SIL1: variants seen among roughly 807,000 people sequenced by gnomAD.
SIL1 encodes nucleotide exchange factor SIL1.
A neutral mutation model predicts 49.1 loss-of-function variants in SIL1; 40 were observed. That is an observed-to-expected ratio of 0.81 (90% CI 0.63 to 1.06). The LOEUF (loss-of-function observed/expected upper bound fraction) is 1.06, where lower values mean the gene tolerates loss of function less well. Ranked by LOEUF, SIL1 falls within the 50% of genes least tolerant of loss-of-function variation. SIL1 has a pLI of 0.00. For synonymous variants in SIL1, 253 were observed against 250.8 expected (o/e 1.01, Z -0.08); for missense variants, 500 against 572.6 (o/e 0.87, Z 1.29).
intron 5 of SIL1, among the ~76,000 whole-genome samples, chr5:139,034,194 G>A (rs1282703150): frequency 6.6e-6 from 1 of 151,838 alleles, no homozygotes; most frequent in Non-Finnish European, 1.5e-5. Flanking sequence ...TCAACCTACT[G>A]TCTTTATCAT....
chr5:139,054,657 C>A (rs549013961), intron 3 of SIL1, among the ~76,000 whole-genome samples: 1 of 152,120 alleles, frequency 6.6e-6, no homozygotes, highest in Admixed American at 6.5e-5. Context: ...AAGAAAAAAG[C>A]ATGTAAGTGT....
intron 7 of SIL1, among the ~76,000 whole-genome samples, chr5:138,967,246 G>A (rs1350373412): frequency 6.6e-6 from 1 of 152,158 alleles, no homozygotes; most frequent in East Asian, 1.9e-4. Flanking sequence ...GCAGTATCTG[G>A]GAGCTAGTTA....
chr5:139,033,215 G>A (rs1025224031), intron 5 of SIL1, among the ~76,000 whole-genome samples: 2 of 151,884 alleles, frequency 1.3e-5, no homozygotes, highest in African/African-American at 4.8e-5. Context: ...GACTGGTCTC[G>A]AACTCCTGAC....
chr5:139,108,950 C>A (rs1428889150), intron 3 of SIL1, among the ~76,000 whole-genome samples: 1 of 151,926 alleles, frequency 6.6e-6, no homozygotes, highest in Admixed American at 6.6e-5. Context: ...ACTTTAGAAC[C>A]AAGACTTTCA....
At chr5:139,058,120 T>C (rs1369729720) in intron 3 of SIL1, among the ~76,000 whole-genome samples, 2 of 152,170 alleles carry the variant, frequency 1.3e-5, no homozygotes, top group South Asian at 2.1e-4. Flanking sequence ...TCCTACAACA[T>C]TGATGAACCT....
chr5:138,968,458 C>T (rs1767199272), intron 7 of SIL1, among the ~76,000 whole-genome samples: 1 of 152,128 alleles, frequency 6.6e-6, no homozygotes. Flanking sequence ...TTCCCCACCG[C>T]CTCTGCCTGA....
chr5:138,987,393 T>TAA (rs561109608), intron 7 of SIL1, among the ~76,000 whole-genome samples: 14 of 149,918 alleles, frequency 9.3e-5, no homozygotes, highest in African/African-American at 3.4e-4. Flanking sequence ...ATTGCATTAT[T>TAA]AAAAAAAAAA....
chr5:139,007,827 G>A (rs1245559647), intron 7 of SIL1, among the ~76,000 whole-genome samples: 1 of 144,028 alleles, frequency 6.9e-6, no homozygotes, highest in Non-Finnish European at 1.5e-5. Context: ...GATCATGGTG[G>A]ATAAGCTTTT....
intron 3 of SIL1, among the ~76,000 whole-genome samples, chr5:139,056,229 C>T (rs10077982): frequency 0.38 from 54,323 of 142,954 alleles, 9,002 homozygotes; most frequent in African/African-American, 0.52. Flanking sequence ...AAGTGAGGAG[C>T]GCCTCTTCCC....
At chr5:138,975,575 C>T (rs1767377441) in intron 7 of SIL1, among the ~76,000 whole-genome samples, 1 of 152,216 alleles carries the variant, frequency 6.6e-6, no homozygotes, top group African/African-American at 2.4e-5. Flanking sequence ...GCGATCCCCA[C>T]CAGCGATCCC....
intron 3 of SIL1, among the ~76,000 whole-genome samples, chr5:139,100,428 G>T (rs1581099810): frequency 6.6e-6 from 1 of 152,152 alleles, no homozygotes; most frequent in African/African-American, 2.4e-5. Context: ...CAGAGGTAAT[G>T]GTGAGCCGCA....
intron 7 of SIL1, among the ~76,000 whole-genome samples, chr5:138,973,977 C>A (rs1167362300): frequency 6.6e-6 from 1 of 152,080 alleles, no homozygotes; most frequent in African/African-American, 2.4e-5. Context: ...ATGGATCACG[C>A]TTCTACACAT....
intron 4 of SIL1, among the ~76,000 whole-genome samples, chr5:139,049,647 C>A (rs143101651): frequency 1.3e-5 from 2 of 152,180 alleles, no homozygotes; most frequent in Non-Finnish European, 2.9e-5. Context: ...AAAAAATTAG[C>A]CAGGCATAGT....
At position 139,016,705 on chromosome 5, in the gene SIL1, A is replaced by C. The variant is rs1768408560; in HGVS notation, c.767+4466T>G. On this transcript the variant is annotated intron_variant, in intron 7 of 9. Coordinates refer to ENST00000394817, the MANE Select transcript of SIL1 (RefSeq NM_022464.5). ...ACAGTTTGACTGCCACAAAGATGCC[A>C]ATGATGACAAAGTACTCTTGAAAAA... 2.6e-5 allele frequency among the ~76,000 whole-genome samples: 4 copies of C among 152,196 alleles called. No individual in the cohort carries two copies. The South Asian group carries it at 8.3e-4, about 32-fold the overall frequency.
intron 3 of SIL1, 43 bp from the exon 4 acceptor site, chr5:139,051,089 TTGGAAGGCTGTC>T: frequency 6.3e-7 from 1 of 1,591,408 alleles, no homozygotes; most frequent in Non-Finnish European, 8.6e-7. Flanking sequence ...TACAAGGTCT[TTGGAAGGCTGTC>T]GGGATGGCCA....
chr5:139,165,204 A>T (rs924653891), intron 1 of SIL1, among the ~76,000 whole-genome samples: 5 of 152,224 alleles, frequency 3.3e-5, no homozygotes, highest in African/African-American at 1.2e-4. Flanking sequence ...ACAATCCTTT[A>T]TGTTAACCTA....
intron 1 of SIL1, among the ~76,000 whole-genome samples, chr5:139,143,250 CATATAT>C (rs58981581): frequency 0.26 from 36,521 of 142,088 alleles, 7,498 homozygotes; most frequent in African/African-American, 0.57. Flanking sequence ...TGTATATATA[CATATAT>C]AAACACATAT....
intron 3 of SIL1, among the ~76,000 whole-genome samples, chr5:139,093,208 G>C (rs1419206795): frequency 1.3e-5 from 2 of 152,126 alleles, no homozygotes; most frequent in Admixed American, 6.5e-5. Flanking sequence ...GATGCCTTTG[G>C]CCACGTATGC....
intron 1 of SIL1, among the ~76,000 whole-genome samples, chr5:139,183,182 T>C (rs1752022342): frequency 6.6e-6 from 1 of 152,164 alleles, no homozygotes; most frequent in Non-Finnish European, 1.5e-5. Flanking sequence ...AGGTCAGGTC[T>C]GGGTAAGGAA....
Sources: allele counts gnomAD v4.1 joint callset (sites outside exome capture counted in the v4.1 genomes callset), GRCh38; gene constraint gnomAD v4.1.1; transcripts MANE v1.5; gene names NCBI Gene and HGNC (gene_info 2026-07-23, HGNC 2026-07-21).